The following SGCD variants were observed in gnomAD, a reference collection of about 807,000 sequenced individuals.
The protein encoded by SGCD is sarcoglycan delta.
In SGCD, 18 loss-of-function variants were observed where a neutral mutation model predicts 36.6. The ratio of observed to expected loss-of-function variants is 0.49; its 90% CI spans 0.34 to 0.73. The LOEUF (loss-of-function observed/expected upper bound fraction) is 0.73, where lower values mean the gene tolerates loss of function less well. SGCD is among the 30% of genes least tolerant of loss of function. The pLI is 0.01. For synonymous variants in SGCD, 133 were observed against 130.6 expected (o/e 1.02, Z -0.12); for missense variants, 387 against 346.7 (o/e 1.12, Z -0.92).
At chr5:156,289,549 C>T (rs1051683392) in intron 3 of SGCD, among the ~76,000 whole-genome samples, 1 of 151,928 alleles carries the variant, frequency 6.6e-6, no homozygotes, top group Non-Finnish European at 1.5e-5. Context: ...TAAGTGAGAA[C>T]ATCCAAGCAA....
At chr5:156,320,097 ATGTGTGTG>A (rs10535885) in intron 3 of SGCD, among the ~76,000 whole-genome samples, 40 of 146,194 alleles carry the variant, frequency 2.7e-4, no homozygotes, top group East Asian at 8.2e-4. Flanking sequence ...AGCCTTTGAT[ATGTGTGTG>A]TGTGTGTGTG....
chr5:155,817,543 A>AT, the SGCD span, among the ~76,000 whole-genome samples: 42 of 152,042 alleles, frequency 2.8e-4, no homozygotes. Context: ...TAGTTTGCTT[A>AT]TTTTTTGTAT....
chr5:155,955,859 C>T (rs930597337), intron 1 of SGCD, among the ~76,000 whole-genome samples: 20 of 151,940 alleles, frequency 1.3e-4, no homozygotes, highest in Admixed American at 3.9e-4. Flanking sequence ...ACTGAGGGCA[C>T]GAGAAAAGAA....
chr5:156,168,142 A>T (rs1350892095), intron 3 of SGCD, among the ~76,000 whole-genome samples: 1 of 152,228 alleles, frequency 6.6e-6, no homozygotes, highest in Non-Finnish European at 1.5e-5. Context: ...TCAAATGATC[A>T]CTTAGATAAA....
intron 1 of SGCD, among the ~76,000 whole-genome samples, chr5:156,020,628 A>G (rs1450087965): frequency 6.6e-6 from 1 of 152,150 alleles, no homozygotes; most frequent in African/African-American, 2.4e-5. Flanking sequence ...GATATTTTCA[A>G]TCTTGAATTA....
chr5:155,788,195 C>T, the SGCD span, among the ~76,000 whole-genome samples: 1,404 of 152,192 alleles, frequency 9.2e-3, 20 homozygotes, highest in African/African-American at 0.032. Flanking sequence ...AACATTTTCT[C>T]AAAACATGGT....
rs141027332 is a variant in SGCD at position 155,942,749 on chromosome 5, T to A, written c.-282+72325T>A. Among the ~76,000 whole-genome samples, 569 of 152,230 alleles carry A rather than the reference T, an allele frequency of 3.7e-3. 4 individuals are homozygous for A. Among genetic ancestry groups the A allele is most frequent in the African/African-American group, 0.013 (550 of 41,528 alleles). ...TGATGTACAATATGCAGGATACCTA[T>A]CAAAATTCCTAGACACAGACATATG... On this transcript the variant is annotated intron_variant, in intron 1 of 9. Transcript: ENST00000517913.
At chr5:156,598,715 G>T (rs1355445690) in intron 6 of SGCD, among the ~76,000 whole-genome samples, 1 of 152,154 alleles carries the variant, frequency 6.6e-6, no homozygotes, top group African/African-American at 2.4e-5. Context: ...ATCTGACTTT[G>T]CAATGGCATA....
At chr5:156,207,261 A>G (rs1010694905) in intron 3 of SGCD, among the ~76,000 whole-genome samples, 5 of 152,300 alleles carry the variant, frequency 3.3e-5, no homozygotes, top group African/African-American at 1.2e-4. Context: ...AATTTTTAAA[A>G]TACATACAAG....
intron 4 of SGCD, among the ~76,000 whole-genome samples, chr5:156,585,333 A>T (rs940322304): frequency 6.6e-6 from 1 of 152,214 alleles, no homozygotes; most frequent in African/African-American, 2.4e-5. Flanking sequence ...AAAAGGATCA[A>T]TTCAGAGACA....
intron 1 of SGCD, among the ~76,000 whole-genome samples, chr5:156,010,608 C>A (rs1758839783): frequency 6.6e-6 from 1 of 152,122 alleles, no homozygotes; most frequent in Admixed American, 6.5e-5. Flanking sequence ...TTCTGTTATT[C>A]AATTATTACT....
intron 3 of SGCD, among the ~76,000 whole-genome samples, chr5:156,433,604 G>A (rs1242053234): frequency 6.6e-6 from 1 of 152,150 alleles, no homozygotes; most frequent in Non-Finnish European, 1.5e-5. Flanking sequence ...AATCATGTAG[G>A]ATGGCAAATC....
At chr5:155,776,466 A>G in the SGCD span, among the ~76,000 whole-genome samples, 1 of 152,196 alleles carries the variant, frequency 6.6e-6, no homozygotes, top group Admixed American at 6.5e-5. Flanking sequence ...CACAAAACAG[A>G]CACTGGATAA....
intron 1 of SGCD, among the ~76,000 whole-genome samples, chr5:156,077,766 C>G (rs533008894): frequency 6.6e-6 from 1 of 152,104 alleles, no homozygotes; most frequent in Non-Finnish European, 1.5e-5. Flanking sequence ...AATCCCATCT[C>G]CCTTGGTGTC....
chr5:155,744,438 C>A, the SGCD span, among the ~76,000 whole-genome samples: 63 of 151,484 alleles, frequency 4.2e-4, 1 homozygote, highest in African/African-American at 1.5e-3. Context: ...CCAGCCTGGG[C>A]GACAGAGCAA....
chr5:156,022,851 A>G (rs1409111475), intron 1 of SGCD, among the ~76,000 whole-genome samples: 1 of 152,214 alleles, frequency 6.6e-6, no homozygotes, highest in Non-Finnish European at 1.5e-5. Context: ...TTGTTATATG[A>G]GAAACTCACC....
chr5:156,381,776 C>T (rs765522384), intron 3 of SGCD, among the ~76,000 whole-genome samples: 10 of 152,108 alleles, frequency 6.6e-5, no homozygotes, highest in Non-Finnish European at 1.2e-4. Flanking sequence ...TGATTGGAAG[C>T]TCTAGGGACA....
chr5:155,953,776 A>T (rs1057130600), intron 1 of SGCD, among the ~76,000 whole-genome samples: 1 of 152,220 alleles, frequency 6.6e-6, no homozygotes, highest in Non-Finnish European at 1.5e-5. Flanking sequence ...CAACTAGGTC[A>T]TCTTGTATTT....
At chr5:156,144,637 G>A (rs1762668633) in intron 3 of SGCD, among the ~76,000 whole-genome samples, 1 of 152,192 alleles carries the variant, frequency 6.6e-6, no homozygotes, top group Non-Finnish European at 1.5e-5. Flanking sequence ...CTGGATATCA[G>A]CCCTTTGTCA....
Sources: gnomAD v4.1 joint callset for allele counts (sites outside exome capture counted in the v4.1 genomes callset) on GRCh38, gnomAD v4.1.1 for gene constraint, MANE v1.5 for transcripts, NCBI Gene and HGNC (gene_info 2026-07-23, HGNC 2026-07-21) for gene names.